SAP130: variants seen among roughly 807,000 people sequenced by gnomAD.
The protein encoded by SAP130 is histone deacetylase complex subunit SAP130.
SAP130 carries 16 observed loss-of-function variants against 103.2 expected under a neutral mutation model. The observed-to-expected ratio is 0.16, with a 90% CI of 0.10 to 0.24. SAP130 has a LOEUF of 0.24. Among genes scored for constraint, SAP130 ranks in the 10% least tolerant of loss-of-function variants. SAP130 has a pLI of 1.00. For missense variants in SAP130, 990 were observed against 1,359.7 expected, an observed-to-expected ratio of 0.73 and a Z score of 4.28; for synonymous variants, 477 against 497.0, an observed-to-expected ratio of 0.96 and a Z score of 0.53.
intron 16 of SAP130, among the ~76,000 whole-genome samples, chr2:127,951,774 G>A (rs1322171751): frequency 6.6e-6 from 1 of 152,158 alleles, no homozygotes; most frequent in Non-Finnish European, 1.5e-5. Flanking sequence ...GCCTCACTTG[G>A]ACAACCCTAT....
chr2:128,000,597 G>T, intron 7 of SAP130, 143 bp from the exon 8 acceptor site: 1 of 847,400 alleles, frequency 1.2e-6, no homozygotes, highest in Non-Finnish European at 1.8e-6. Context: ...CACCAATGTG[G>T]CAAAAGGTGC....
chr2:128,025,198 C>A (rs901228104), intron 2 of SAP130, among the ~76,000 whole-genome samples: 6 of 152,234 alleles, frequency 3.9e-5, no homozygotes, highest in African/African-American at 7.2e-5. Context: ...AACTTCAGCA[C>A]TGCTGACTGG....
intron 2 of SAP130, among the ~76,000 whole-genome samples, chr2:128,020,193 G>A (rs1289359416): frequency 2.0e-5 from 3 of 151,958 alleles, no homozygotes; most frequent in African/African-American, 7.3e-5. Context: ...ATAAAGATAA[G>A]TGCACAAATG....
rs562929980 is a variant in SAP130, at chr2:128,016,270, T to A, written c.507+119A>T. ...AACCTACTATCTTCACTTGCAGGTA[T>A]CAGTGACTGTTTGATCTTTTTTTAT... On this transcript the variant is annotated intron_variant, in intron 4 of 20. Coordinates refer to ENST00000643581, the MANE Select transcript of SAP130 (RefSeq NM_001330301.2). The A allele has an allele frequency of 6.1e-5, 61 of 1,008,008 alleles. No individual in the cohort carries two copies. In the Middle Eastern group the frequency reaches 8.5e-4, roughly 14 times the overall value. 62.4% of individuals were successfully genotyped at this position (1,008,008 alleles called of 1,614,324 possible). A position where few individuals can be genotyped will look rare whatever the true frequency, so the allele number is the denominator to read the frequency against.
At chr2:127,945,345 T>C (rs2104853328) in intron 19 of SAP130, 111 bp downstream of exon 19, 1 of 666,530 alleles carries the variant, frequency 1.5e-6, no homozygotes, top group Non-Finnish European at 2.7e-6. Flanking sequence ...TCATAACCCA[T>C]GTTAGCTGGG....
intron 15 of SAP130, among the ~76,000 whole-genome samples, chr2:127,972,522 C>T (rs914216609): frequency 1.3e-5 from 2 of 152,084 alleles, no homozygotes; most frequent in African/African-American, 2.4e-5. Context: ...CTTTGGGAGG[C>T]AAAGGTGGGC....
At chr2:127,988,769 G>C (rs980870720) in intron 13 of SAP130, among the ~76,000 whole-genome samples, 3 of 152,146 alleles carry the variant, frequency 2.0e-5, no homozygotes, top group Admixed American at 6.5e-5. Context: ...AGGATCACTT[G>C]AGCCCAGGAG....
intron 15 of SAP130, among the ~76,000 whole-genome samples, chr2:127,975,566 C>CA (rs149072535): frequency 0.028 from 4,247 of 151,664 alleles, 177 homozygotes; most frequent in African/African-American, 0.093. Flanking sequence ...TAGTAATAAC[C>CA]AAAAAAAATT....
At chr2:127,988,264 A>C (rs924915282) in intron 13 of SAP130, among the ~76,000 whole-genome samples, 1 of 151,810 alleles carries the variant, frequency 6.6e-6, no homozygotes, top group Admixed American at 6.6e-5. Context: ...TCTACAAAAA[A>C]TCAAAAATAA....
rs745856755 is a variant in SAP130 at position 127,996,376 on chromosome 2, C to T, written c.1329G>A (p.Val443=). ...ISGHRASPNP[V]AMETRSDNRP... ...TGTTGTCACTTCGGGTTTCCATGGCCACAGGATTGGGAGAGGCCCGATGTC... is the reference window on the plus strand; with the variant it reads ...TGTTGTCACTTCGGGTTTCCATGGCTACAGGATTGGGAGAGGCCCGATGTC... Residue 443 remains valine, a synonymous_variant, in exon 11 of 21, where the codon GTG becomes GTA. Transcript: ENST00000643581. The surrounding 1 kb of genome is among the most constrained non-coding windows in gnomAD (Gnocchi z 4.3). 5 of 1,606,666 alleles carry T rather than the reference C, an allele frequency of 3.1e-6. No individual in the cohort carries two copies. The South Asian group carries it at 3.3e-5, about 11-fold the overall frequency.
At chr2:127,974,630 A>G (rs1681325917) in intron 15 of SAP130, among the ~76,000 whole-genome samples, 1 of 152,048 alleles carries the variant, frequency 6.6e-6, no homozygotes, top group African/African-American at 2.4e-5. Context: ...CCTGACCAAC[A>G]TGGAGAAACC....
At chr2:128,027,259 C>A in intron 1 of SAP130, 2 of 1,180,638 alleles carry the variant, frequency 1.7e-6, no homozygotes, top group South Asian at 4.3e-5. Context: ...CCCACTCACC[C>A]CCGCCACCCG....
At position 127,967,419 on chromosome 2, in the gene SAP130, A is replaced by G. The variant is rs149408610; in HGVS notation, c.2063+10566T>C. ...GCTGGAGATTTCTTTTCTTTTTTTG[A>G]GACGGAGTCTCGCTCTGTTGCCCAG... is the stretch of plus-strand genomic sequence containing the variant. On this transcript the variant is annotated intron_variant, in intron 15 of 20. Coordinates refer to ENST00000643581, the MANE Select transcript of SAP130 (RefSeq NM_001330301.2). Among the ~76,000 whole-genome samples, 688 of 152,310 alleles carry G rather than the reference A, an allele frequency of 4.5e-3. 6 individuals carry two copies. The highest frequency in any genetic ancestry group is 0.016 in the African/African-American group (646 of 41,578).
At chr2:127,966,777 T>C (rs1259363025) in intron 15 of SAP130, among the ~76,000 whole-genome samples, 1 of 152,192 alleles carries the variant, frequency 6.6e-6, no homozygotes, top group Non-Finnish European at 1.5e-5. Flanking sequence ...AAGATTTCAA[T>C]TTGTTTACCT....
Position 128,026,270 on chromosome 2 carries a change from C to G in SAP130, c.23G>C (p.Arg8Pro). The stretch of plus-strand genomic sequence containing the variant: ...CAGCCCGGTAGAAGGGGCTCCTAAC[C>G]GAGGAAACTGTTGAGAACTCATTTC... The part of the protein sequence containing the change: MSSQQFP[R>P]LGAPSTGLSQ... Residue 8 changes from arginine (R) to proline (P), a missense_variant, in exon 2 of 21, where the codon CGG becomes CCG. Around this residue, in one of 6 missense-constraint regions of SAP130, gnomAD observed 167 missense variants for 187.4 expected, o/e 0.89. Transcript: ENST00000643581. 8.1e-6 allele frequency: 13 copies of G among 1,614,000 alleles called. No individual in the cohort carries two copies. The highest frequency in any genetic ancestry group is 2.2e-5 in the East Asian group (1 of 44,876).
chr2:127,992,428 G>A (rs1433614134), intron 12 of SAP130, among the ~76,000 whole-genome samples: 3 of 151,930 alleles, frequency 2.0e-5, no homozygotes, highest in Non-Finnish European at 1.5e-5. Context: ...TTATAGGCAT[G>A]TGCCACCGTG....
intron 6 of SAP130, among the ~76,000 whole-genome samples, chr2:128,011,188 C>G (rs1162705114): frequency 6.6e-6 from 1 of 152,178 alleles, no homozygotes; most frequent in Non-Finnish European, 1.5e-5. Flanking sequence ...CTCAGGCCAT[C>G]TACGTTAGTG....
At position 127,973,535 on chromosome 2, in the gene SAP130, C is replaced by T. The variant is rs116837697; in HGVS notation, c.2063+4450G>A. Among the ~76,000 whole-genome samples the T allele has an allele frequency of 6.2e-3, 942 of 152,334 alleles. 7 individuals carry two copies. The highest frequency in any genetic ancestry group is 0.016 in the African/African-American group (671 of 41,582). ...GATTCCAGGCGTGAGCCCCTGTGCCCGGCTTCCTTCAGAATTTTCTATCTG... is the reference window on the plus strand; with the variant it reads ...GATTCCAGGCGTGAGCCCCTGTGCCTGGCTTCCTTCAGAATTTTCTATCTG... On this transcript the variant is annotated intron_variant, in intron 15 of 20. Transcript: ENST00000643581.
chr2:128,020,468 A>T (rs1177774550), intron 2 of SAP130, among the ~76,000 whole-genome samples: 2 of 152,226 alleles, frequency 1.3e-5, no homozygotes, highest in Non-Finnish European at 2.9e-5. Flanking sequence ...ATTCATTCAC[A>T]TTAGTGTACA....
Sources: allele counts gnomAD v4.1 joint callset (sites outside exome capture counted in the v4.1 genomes callset), GRCh38; gene constraint gnomAD v4.1.1; regional missense constraint gnomAD v4.1.1; non-coding constraint Gnocchi (gnomAD v3.1); transcripts MANE v1.5; gene names NCBI Gene and HGNC (gene_info 2026-07-23, HGNC 2026-07-21).